Variants in RSU1 observed in about 807,000 individuals in gnomAD.
RSU1 encodes the protein rsu-1.
A neutral mutation model predicts 31.1 loss-of-function variants in RSU1; 26 were observed. The observed-to-expected ratio is 0.84, with a 90% CI of 0.61 to 1.16. The LOEUF is 1.16. RSU1 is among the 50% of genes most tolerant of loss of function. The probability of loss-of-function intolerance (pLI) is 0.00; values close to 1 mark genes in which losing one functional copy is unlikely to be tolerated. For synonymous variants in RSU1, 164 were observed against 136.3 expected (o/e 1.20, Z -1.41); for missense variants, 320 against 339.1 (o/e 0.94, Z 0.44).
intron 7 of RSU1, among the ~76,000 whole-genome samples, chr10:16,697,987 CTTTTTT>C (rs67816326): frequency 8.0e-5 from 8 of 99,578 alleles, no homozygotes; most frequent in Admixed American, 5.3e-4. Context: ...AGGAACACAC[CTTTTTT>C]TTTTTTTTTT....
chr10:16,715,271 ATGT>A (rs1836117781), intron 7 of RSU1, among the ~76,000 whole-genome samples: 3 of 152,138 alleles, frequency 2.0e-5, no homozygotes, highest in Admixed American at 6.5e-5. Context: ...CATTGTGTTG[ATGT>A]TGTCTTTTGA....
At chr10:16,778,021 T>TC in intron 3 of RSU1, among the ~76,000 whole-genome samples, 1 of 147,780 alleles carries the variant, frequency 6.8e-6, no homozygotes, top group East Asian at 2.0e-4. Flanking sequence ...CATATACCTT[T>TC]TTTTTTTTTT....
At chr10:16,776,568 G>A (rs1012278337) in intron 3 of RSU1, among the ~76,000 whole-genome samples, 1 of 151,738 alleles carries the variant, frequency 6.6e-6, no homozygotes, top group African/African-American at 2.4e-5. Flanking sequence ...ATTAAATGAT[G>A]AGATATGGTC....
intron 8 of RSU1, among the ~76,000 whole-genome samples, chr10:16,620,686 A>C (rs1834054135): frequency 6.6e-6 from 1 of 152,120 alleles, no homozygotes; most frequent in Admixed American, 6.6e-5. Flanking sequence ...TCTACTAAAA[A>C]CACAAAAAAT....
intron 8 of RSU1, among the ~76,000 whole-genome samples, chr10:16,679,027 G>A (rs888644861): frequency 3.3e-5 from 5 of 152,132 alleles, no homozygotes; most frequent in African/African-American, 9.7e-5. Flanking sequence ...GAGTAATGTG[G>A]TAAAAAGATC....
chr10:16,705,665 T>G (rs1368705439), intron 7 of RSU1, among the ~76,000 whole-genome samples: 1 of 151,982 alleles, frequency 6.6e-6, no homozygotes, highest in East Asian at 1.9e-4. Flanking sequence ...ATTTTTGTAT[T>G]TTTTAGTAGA....
intron 8 of RSU1, among the ~76,000 whole-genome samples, chr10:16,691,304 A>G (rs976653116): frequency 6.6e-6 from 1 of 151,990 alleles, no homozygotes; most frequent in Non-Finnish European, 1.5e-5. Flanking sequence ...AGATCTATTC[A>G]TATAAAGGAG....
intron 5 of RSU1, among the ~76,000 whole-genome samples, chr10:16,753,412 T>TA (rs1253497120): frequency 6.6e-6 from 1 of 152,204 alleles, no homozygotes; most frequent in Admixed American, 6.5e-5. Flanking sequence ...TTCAAGAGAA[T>TA]ACAGCTCTGT....
chr10:16,789,103 G>A (rs187964792), intron 2 of RSU1, among the ~76,000 whole-genome samples: 187 of 152,334 alleles, frequency 1.2e-3, no homozygotes, highest in Middle Eastern at 0.01. Flanking sequence ...TCAGGTTCAC[G>A]AGGACAGATT....
At chr10:16,781,362 T>C (rs1026268628) in intron 3 of RSU1, among the ~76,000 whole-genome samples, 3 of 152,164 alleles carry the variant, frequency 2.0e-5, no homozygotes, top group Non-Finnish European at 4.4e-5. Flanking sequence ...CAGCAGAATT[T>C]TTCTTTTGGG....
chr10:16,685,165 G>A (rs1835417543), intron 8 of RSU1, among the ~76,000 whole-genome samples: 1 of 152,172 alleles, frequency 6.6e-6, no homozygotes, highest in African/African-American at 2.4e-5. Context: ...CAAGAGAATC[G>A]CTTGAACCTG....
At chr10:16,801,771 TA>T (rs1838160374) in intron 2 of RSU1, among the ~76,000 whole-genome samples, 2 of 152,116 alleles carry the variant, frequency 1.3e-5, no homozygotes. Flanking sequence ...ATTAACAACA[TA>T]TTTCTAAATA....
chr10:16,733,655 T>C (rs1393117524), intron 7 of RSU1, among the ~76,000 whole-genome samples: 2 of 152,178 alleles, frequency 1.3e-5, no homozygotes, highest in Non-Finnish European at 2.9e-5. Context: ...TTATAAAGGC[T>C]ATAACACGGA....
chr10:16,741,986 A>T (rs992604880), intron 7 of RSU1, among the ~76,000 whole-genome samples: 3 of 152,206 alleles, frequency 2.0e-5, no homozygotes, highest in African/African-American at 7.2e-5. Context: ...CTGATTACAG[A>T]AATATAATGT....
At position 16,628,233 on chromosome 10, in the gene RSU1, G is replaced by T. The variant is rs17138885; in HGVS notation, c.732-34737C>A. Among the ~76,000 whole-genome samples, 121 of 152,318 alleles carry T rather than the reference G, an allele frequency of 7.9e-4. 1 individual carries two copies. The East Asian group carries it at 0.019, about 24-fold the overall frequency. On this transcript the variant is annotated intron_variant, in intron 8 of 8. Transcript: ENST00000345264. ...GAACATGATCCTAGAAGTTAGGGTG[G>T]ATAGTTTTGAACATTCTTGCAACAC...
At chr10:16,793,852 C>T (rs1022315250) in intron 2 of RSU1, among the ~76,000 whole-genome samples, 1 of 151,062 alleles carries the variant, frequency 6.6e-6, no homozygotes, top group Non-Finnish European at 1.5e-5. Flanking sequence ...GACTGGGCTA[C>T]GAGATACCCA....
intron 8 of RSU1, among the ~76,000 whole-genome samples, chr10:16,691,044 A>G (rs1385738968): frequency 6.6e-6 from 1 of 152,208 alleles, no homozygotes; most frequent in Non-Finnish European, 1.5e-5. Context: ...TAAGTTTTAG[A>G]CTAGAAGATC....
intron 8 of RSU1, among the ~76,000 whole-genome samples, chr10:16,608,911 C>T (rs1413652285): frequency 6.6e-6 from 1 of 152,140 alleles, no homozygotes; most frequent in Non-Finnish European, 1.5e-5. Context: ...TAGCTCACTG[C>T]AGCCTCAAAC....
intron 8 of RSU1, among the ~76,000 whole-genome samples, chr10:16,693,435 G>A (rs1453706423): frequency 6.6e-6 from 1 of 150,946 alleles, no homozygotes; most frequent in Admixed American, 6.6e-5. Context: ...GCCTGGCACA[G>A]ATTCACAGGG....
Sources: gnomAD v4.1 joint callset for allele counts (sites outside exome capture counted in the v4.1 genomes callset) on GRCh38, gnomAD v4.1.1 for gene constraint, MANE v1.5 for transcripts, NCBI Gene and HGNC (gene_info 2026-07-23, HGNC 2026-07-21) for gene names.